The following LRRC37A2 variants were observed in gnomAD, a reference collection of about 807,000 sequenced individuals.
The protein encoded by LRRC37A2 is leucine-rich repeat-containing protein 37A2.
In LRRC37A2, 9 loss-of-function variants were observed where a neutral mutation model predicts 68.8. The ratio of observed to expected loss-of-function variants is 0.13; its 90% CI spans 0.08 to 0.23. LRRC37A2 has a LOEUF of 0.23. Among genes scored for constraint, LRRC37A2 ranks in the 10% least tolerant of loss-of-function variants. The pLI, the probability that LRRC37A2 is intolerant of heterozygous loss-of-function variation, is 1.00. For synonymous variants in LRRC37A2, 63 were observed against 367.6 expected, an observed-to-expected ratio of 0.17 and a Z score of 9.48; for missense variants, 168 against 950.4, an observed-to-expected ratio of 0.18 and a Z score of 10.82.
chr17:46,675,586 A>T, the LRRC37A2 span, among the ~76,000 whole-genome samples: 1,200 of 128,834 alleles, frequency 9.3e-3, 71 homozygotes, highest in Middle Eastern at 0.015. Context: ...TGACATATAT[A>T]TGTGGGTGTA....
At chr17:46,962,680 C>T in the LRRC37A2 span, among the ~76,000 whole-genome samples, 11 of 152,192 alleles carry the variant, frequency 7.2e-5, no homozygotes, top group Non-Finnish European at 1.3e-4. Flanking sequence ...AGCCTTCCAG[C>T]TGTCCCTGCC....
chr17:46,908,661 G>A, the LRRC37A2 span, among the ~76,000 whole-genome samples: 1 of 152,172 alleles, frequency 6.6e-6, no homozygotes, highest in Non-Finnish European at 1.5e-5. Context: ...CCATATTGAA[G>A]CCTGCCATGC....
At chr17:46,977,708 G>T in the LRRC37A2 span, among the ~76,000 whole-genome samples, 1 of 152,208 alleles carries the variant, frequency 6.6e-6, no homozygotes, top group South Asian at 2.1e-4. Context: ...GGTTTCTTCC[G>T]TCTACTCATC....
At chr17:46,928,977 A>T in the LRRC37A2 span, among the ~76,000 whole-genome samples, 1 of 151,584 alleles carries the variant, frequency 6.6e-6, no homozygotes. Context: ...CTGTTTGTTT[A>T]TACTTATGTG....
chr17:46,826,287 G>A, the LRRC37A2 span, among the ~76,000 whole-genome samples: 2 of 152,244 alleles, frequency 1.3e-5, no homozygotes, highest in South Asian at 4.1e-4. Context: ...TGGGCCCTGA[G>A]TCCTGGGAGC....
the LRRC37A2 span, among the ~76,000 whole-genome samples, chr17:46,840,602 AT>A: frequency 6.6e-6 from 1 of 152,200 alleles, no homozygotes; most frequent in Non-Finnish European, 1.5e-5. Flanking sequence ...AATTGAACTA[AT>A]TTACACTCCC....
the LRRC37A2 span, among the ~76,000 whole-genome samples, chr17:46,733,738 G>A: frequency 6.6e-6 from 1 of 152,180 alleles, no homozygotes; most frequent in African/African-American, 2.4e-5. Flanking sequence ...GAAGCTCAAC[G>A]ATTGGAAAAC....
the LRRC37A2 span, among the ~76,000 whole-genome samples, chr17:47,048,190 C>G: frequency 1.3e-5 from 2 of 150,066 alleles, no homozygotes; most frequent in African/African-American, 4.9e-5. Flanking sequence ...GTCTTCTGGC[C>G]CCAATTCTGG....
At chr17:46,881,768 T>C in the LRRC37A2 span, among the ~76,000 whole-genome samples, 7 of 152,234 alleles carry the variant, frequency 4.6e-5, no homozygotes, top group Admixed American at 4.6e-4. Context: ...AACAGCCACA[T>C]GTGCTTTCTG....
chr17:46,970,052 G>C, the LRRC37A2 span, among the ~76,000 whole-genome samples: 2 of 152,206 alleles, frequency 1.3e-5, no homozygotes, highest in Non-Finnish European at 2.9e-5. Context: ...TTTCTCATCT[G>C]TAAAATGACG....
At chr17:46,941,518 T>C in the LRRC37A2 span, 1 of 503,348 alleles carries the variant, frequency 2.0e-6, no homozygotes, top group Non-Finnish European at 2.6e-6. Context: ...AATTACATAT[T>C]CCTGGGGCCT....
At chr17:46,894,101 C>A in the LRRC37A2 span, among the ~76,000 whole-genome samples, 1 of 152,224 alleles carries the variant, frequency 6.6e-6, no homozygotes, top group Non-Finnish European at 1.5e-5. Flanking sequence ...TTGCAGCCAA[C>A]AAACACCTGT....
At chr17:46,498,970 A>G in the LRRC37A2 span, among the ~76,000 whole-genome samples, 1 of 150,672 alleles carries the variant, frequency 6.6e-6, no homozygotes, top group Non-Finnish European at 1.5e-5. Context: ...ATCTGAGGAT[A>G]AAATGAAAGA....
chr17:46,599,994 G>T, the LRRC37A2 span, among the ~76,000 whole-genome samples: 2 of 65,244 alleles, frequency 3.1e-5, no homozygotes, highest in African/African-American at 8.2e-5. Flanking sequence ...GTCTCACTTG[G>T]TGGCCTGGGC....
At chr17:46,983,289 C>CTTTTTTTTT in the LRRC37A2 span, among the ~76,000 whole-genome samples, 9 of 76,870 alleles carry the variant, frequency 1.2e-4, no homozygotes, top group African/African-American at 1.5e-4. Context: ...GCCCTTTCTT[C>CTTTTTTTTT]TTTTTTTTTT....
the LRRC37A2 span, among the ~76,000 whole-genome samples, chr17:46,991,862 C>T: frequency 6.6e-6 from 1 of 152,162 alleles, no homozygotes; most frequent in South Asian, 2.1e-4. Context: ...TGCTTTTTTG[C>T]CATAATGGCA....
At chr17:46,734,393 T>C in the LRRC37A2 span, among the ~76,000 whole-genome samples, 2 of 151,952 alleles carry the variant, frequency 1.3e-5, no homozygotes, top group Admixed American at 1.3e-4. Context: ...ATTTCTTTTA[T>C]CTAAAAAAAA....
At chr17:46,545,687 CT>C (rs1703012163) in intron 8 of LRRC37A2, among the ~76,000 whole-genome samples, 1 of 118,198 alleles carries the variant, frequency 8.5e-6, no homozygotes, top group African/African-American at 4.0e-5. Context: ...CCTCCTCTTT[CT>C]TTTTCAATAT....
the LRRC37A2 span, among the ~76,000 whole-genome samples, chr17:46,735,292 T>G: frequency 6.6e-6 from 1 of 152,142 alleles, no homozygotes; most frequent in African/African-American, 2.4e-5. Flanking sequence ...GACGAAATAT[T>G]TTTTCATTGC....
Sources: allele counts gnomAD v4.1 joint callset (sites outside exome capture counted in the v4.1 genomes callset), GRCh38; gene constraint gnomAD v4.1.1; transcripts MANE v1.5; gene names NCBI Gene and HGNC (gene_info 2026-07-23, HGNC 2026-07-21).